Variants in TP53BP2 observed in about 807,000 individuals in gnomAD.
The protein encoded by TP53BP2 is tumor protein p53 binding protein 2.
A neutral mutation model predicts 126.2 loss-of-function variants in TP53BP2; 62 were observed. The ratio of observed to expected loss-of-function variants is 0.49; its 90% CI spans 0.40 to 0.61. TP53BP2 has a LOEUF of 0.61. TP53BP2 is among the 20% of genes least tolerant of loss of function. The pLI, the probability that TP53BP2 is intolerant of heterozygous loss-of-function variation, is 0.00. For synonymous variants in TP53BP2, 485 were observed against 502.9 expected (o/e 0.96, Z 0.48); for missense variants, 1,215 against 1,402.8 (o/e 0.87, Z 2.14).
chr1:223,821,541 G>C (rs537910749), intron 1 of TP53BP2, 174 bp from the exon 2 acceptor site: 3 of 824,378 alleles, frequency 3.6e-6, no homozygotes, highest in African/African-American at 1.7e-5. Context: ...GGGAGACCTG[G>C]AGCCCAGCCC....
intron 6 of TP53BP2, 123 bp downstream of exon 6, chr1:223,804,051 A>T: frequency 1.0e-6 from 1 of 963,542 alleles, no homozygotes; most frequent in Non-Finnish European, 1.6e-6. Flanking sequence ...CAGGAGGCTG[A>T]GGTGGGAGGA....
chr1:223,819,986 A>C (rs1323504411), intron 2 of TP53BP2, among the ~76,000 whole-genome samples: 1 of 152,180 alleles, frequency 6.6e-6, no homozygotes. Flanking sequence ...ACACACAAAG[A>C]GTGACGGGCC....
At chr1:223,792,764 A>G (rs12060361) in intron 14 of TP53BP2, among the ~76,000 whole-genome samples, 16,491 of 152,050 alleles carry the variant, frequency 0.11, 1,054 homozygotes, top group African/African-American at 0.18. Context: ...AAAAGGAAGT[A>G]CCAGAAACTA....
In TP53BP2 at chr1:223,803,337, C is replaced by A; in HGVS notation, c.765G>T (p.Arg255Ser). Residue 255 changes from arginine (R) to serine (S), a missense_variant, in exon 7 of 18, where the codon AGG becomes AGT. Around this residue, in one of 4 missense-constraint regions of TP53BP2, gnomAD observed 814 missense variants for 853.0 expected, o/e 0.95. Transcript: ENST00000343537. The stretch of plus-strand genomic sequence containing the variant: ...ACTGATTGTCATGGTGGCTGTCGAT[C>A]CTGCCGTTCTTGAGCATCTCTAGCT... Reference protein sequence around the residue: ...TRQLEMLKNGRIDSHHDNQSA... With the variant: ...TRQLEMLKNGSIDSHHDNQSA... 1 of 1,613,874 alleles carries A rather than the reference C, an allele frequency of 6.2e-7. No individual in the cohort carries two copies. Among genetic ancestry groups the A allele is most frequent in the South Asian group, 1.1e-5 (1 of 91,068 alleles).
chr1:223,795,913 G>A lies in TP53BP2; in HGVS notation c.2626C>T (p.Pro876Ser). ...TCCCCAGATGGGTATGGTGGGGGTG[G>A]GTATGGAGGGTACTCCTCCAGGTAC... is the stretch of plus-strand genomic sequence containing the variant. ...DVYLEEYPPY[P>S]PPPYPSGEPE... Residue 876 changes from proline (P) to serine (S), a missense_variant, in exon 13 of 18, where the codon CCA becomes TCA. This residue lies in a region of TP53BP2 where 204 missense variants were observed against 225.7 expected (regional missense o/e 0.90). Coordinates refer to ENST00000343537, the MANE Select transcript of TP53BP2 (RefSeq NM_001031685.3). 1 of 1,613,784 alleles carries A rather than the reference G, an allele frequency of 6.2e-7. No homozygotes were observed. Among genetic ancestry groups the A allele is most frequent in the Non-Finnish European group, 8.5e-7 (1 of 1,179,876 alleles).
chr1:223,802,983 T>C (rs1306274088), intron 7 of TP53BP2, 88 bp from the exon 8 acceptor site: 1 of 1,419,346 alleles, frequency 7.0e-7, no homozygotes, highest in African/African-American at 1.4e-5. Context: ...TATTATATAA[T>C]TTCTAAAAAT....
intron 1 of TP53BP2, among the ~76,000 whole-genome samples, chr1:223,832,217 T>A (rs1206901769): frequency 1.3e-5 from 2 of 152,206 alleles, no homozygotes; most frequent in African/African-American, 4.8e-5. Flanking sequence ...CCTTCAGAGT[T>A]TTCATTTACA....
chr1:223,824,642 T>A (rs1663425041), intron 1 of TP53BP2, among the ~76,000 whole-genome samples: 1 of 152,070 alleles, frequency 6.6e-6, no homozygotes, highest in Admixed American at 6.5e-5. Flanking sequence ...CTGCACATCC[T>A]GCACCTGTAT....
chr1:223,813,093 C>T (rs1662968970), intron 3 of TP53BP2, among the ~76,000 whole-genome samples: 1 of 152,196 alleles, frequency 6.6e-6, no homozygotes, highest in Non-Finnish European at 1.5e-5. Context: ...CCAGTGTCTA[C>T]TGCTGCTTCC....
chr1:223,787,535 A>G (rs1662012121), intron 16 of TP53BP2, among the ~76,000 whole-genome samples: 1 of 151,750 alleles, frequency 6.6e-6, no homozygotes, highest in African/African-American at 2.4e-5. Flanking sequence ...CTCTGAGGCC[A>G]GGAGTTTGAG....
chr1:223,814,480 T>G, intron 2 of TP53BP2, 127 bp from the exon 3 acceptor site: 1 of 690,106 alleles, frequency 1.4e-6, no homozygotes, highest in Non-Finnish European at 2.4e-6. Context: ...TCAGGTAAAT[T>G]TTTTTCATTA....
intron 3 of TP53BP2, 22 bp from the exon 4 acceptor site, chr1:223,810,535 T>C (rs1189036657): frequency 1.3e-6 from 2 of 1,528,650 alleles, no homozygotes; most frequent in African/African-American, 2.7e-5. Flanking sequence ...ATTCAAAAAC[T>C]ATGCATTAAC....
intron 3 of TP53BP2, among the ~76,000 whole-genome samples, chr1:223,810,933 T>C (rs1662888912): frequency 6.6e-6 from 1 of 152,152 alleles, no homozygotes; most frequent in Admixed American, 6.5e-5. Flanking sequence ...CAATGCATCC[T>C]TGTACTCGCT....
At chr1:223,836,426 G>C (rs543832817) in intron 1 of TP53BP2, among the ~76,000 whole-genome samples, 2 of 152,102 alleles carry the variant, frequency 1.3e-5, no homozygotes, top group African/African-American at 2.4e-5. Flanking sequence ...TAACTGACTT[G>C]GTGTTTTGAG....
Position 223,804,221 on chromosome 1 carries a change from G to T in TP53BP2, c.602C>A (p.Ala201Glu). ...CTTCTGTTCCACGTGGCCTTTAAGTGCTCTCACTTTTTTTAGCTTAGCTTC... is the reference window on the plus strand; with the variant it reads ...CTTCTGTTCCACGTGGCCTTTAAGTTCTCTCACTTTTTTTAGCTTAGCTTC... ...NQEAKLKKVR[A>E]LKGHVEQKRL... Residue 201 changes from alanine to glutamate, a missense_variant, in exon 6 of 18, where the codon GCA (alanine) becomes GAA (glutamate). Coordinates refer to ENST00000343537, the MANE Select transcript of TP53BP2 (RefSeq NM_001031685.3). The T allele has an allele frequency of 6.2e-7, 1 of 1,614,080 alleles. No individual in the cohort carries two copies. Among genetic ancestry groups the T allele is most frequent in the Non-Finnish European group, 8.5e-7 (1 of 1,179,998 alleles).
intron 1 of TP53BP2, among the ~76,000 whole-genome samples, chr1:223,824,428 T>G (rs770997811): frequency 3.9e-5 from 6 of 152,208 alleles, no homozygotes; most frequent in Non-Finnish European, 7.3e-5. Context: ...TTTTAGTAAT[T>G]GTACTGCAGT....
rs765016756 is a variant in TP53BP2, at chr1:223,798,492, C to T, written c.1671G>A (p.Pro557=). Residue 557 remains proline (P), a synonymous_variant, in exon 12 of 18, where the codon CCG becomes CCA. Coordinates refer to ENST00000343537, the MANE Select transcript of TP53BP2 (RefSeq NM_001031685.3). ...GTATGCTGGGAGATAGCAGCACTCT[C>T]GGCTGCTGCCCTGCTGGTTTTGGTT... ...GTKPKPAGQQ[P]RVLLSPSIPS... 22 of 1,614,054 alleles carry T rather than the reference C, an allele frequency of 1.4e-5. No homozygotes were observed. In the East Asian group the frequency reaches 2.5e-4, roughly 18 times the overall value.
chr1:223,780,824 T>C lies in TP53BP2; in HGVS notation c.*29A>G, dbSNP rs1558084670. 1 of 1,609,230 alleles carries C rather than the reference T, an allele frequency of 6.2e-7. No individual in the cohort carries two copies. On this transcript the variant is annotated 3_prime_UTR_variant, in exon 18 of 18. Coordinates refer to ENST00000343537, the MANE Select transcript of TP53BP2 (RefSeq NM_001031685.3). Reference sequence around the variant, plus strand: ...ACTTCTTCTTAACAGAGATTAATTCTTCATTGACTAAAATTCTGTGTGGAA... The same window carrying C: ...ACTTCTTCTTAACAGAGATTAATTCCTCATTGACTAAAATTCTGTGTGGAA...
chr1:223,841,240 C>T, intron 1 of TP53BP2, among the ~76,000 whole-genome samples: 1 of 80,516 alleles, frequency 1.2e-5, no homozygotes, highest in East Asian at 3.1e-4. Context: ...GGTGAGACTC[C>T]GTCTCAAGAA....
Sources: allele counts gnomAD v4.1 joint callset (sites outside exome capture counted in the v4.1 genomes callset), GRCh38; gene constraint gnomAD v4.1.1; regional missense constraint gnomAD v4.1.1; transcripts MANE v1.5; gene names NCBI Gene and HGNC (gene_info 2026-07-23, HGNC 2026-07-21).